Variants in KDM4D observed in about 807,000 individuals in gnomAD.
KDM4D encodes the protein lysine-specific demethylase 4D.
For synonymous variants in KDM4D, 254 were observed against 249.1 expected (o/e 1.02, Z -0.19); for missense variants, 427 against 674.8 (o/e 0.63, Z 4.07).
At chr11:94,984,629 G>A (rs1555097932) in intron 2 of KDM4D, among the ~76,000 whole-genome samples, 1 of 151,368 alleles carries the variant, frequency 6.6e-6, no homozygotes, top group Non-Finnish European at 1.5e-5. Flanking sequence ...GCCGAGGAGG[G>A]CAGATCACCT....
chr11:94,998,306 T>C lies in KDM4D; in HGVS notation c.934T>C (p.Cys312Arg). 1 of 1,614,184 alleles carries C rather than the reference T, an allele frequency of 6.2e-7. No homozygotes were observed. The highest frequency in any genetic ancestry group is 8.5e-7 in the Non-Finnish European group (1 of 1,180,026). Reference protein sequence around the residue: ...DYGKMASQCSCGEARVTFSMD... With the variant: ...DYGKMASQCSRGEARVTFSMD... The stretch of plus-strand genomic sequence containing the variant: ...TGGCAAAATGGCCTCCCAGTGTAGC[T>C]GTGGGGAGGCAAGGGTGACCTTTTC... The change falls in exon 3 of 3, where the codon TGT (cysteine) becomes CGT (arginine). Residue 312 changes from cysteine to arginine, a missense_variant. Cys to Arg is a radical substitution (Grantham distance 180, BLOSUM62 -3). Coordinates refer to ENST00000335080, the MANE Select transcript of KDM4D (RefSeq NM_018039.3). The surrounding 1 kb of genome is among the most constrained non-coding windows in gnomAD (Gnocchi z 6.7).
At chr11:94,986,078 C>G (rs587630242) in intron 2 of KDM4D, among the ~76,000 whole-genome samples, 1 of 152,272 alleles carries the variant, frequency 6.6e-6, no homozygotes, top group African/African-American at 2.4e-5. Context: ...TTCTTGTGCA[C>G]TTCGAAAGAC....
intron 2 of KDM4D, among the ~76,000 whole-genome samples, chr11:94,977,427 A>C (rs782464650): frequency 6.6e-6 from 1 of 150,854 alleles, no homozygotes. Context: ...TTTCATGGCT[A>C]CCTCCTTCAT....
intron 2 of KDM4D, among the ~76,000 whole-genome samples, chr11:94,990,344 G>A (rs964462927): frequency 1.2e-4 from 19 of 152,180 alleles, no homozygotes; most frequent in African/African-American, 4.6e-4. Context: ...GAACCCTGAT[G>A]TAGGAGAGCC....
rs1858004343 is a variant in KDM4D, at chr11:94,999,006, CA to C, written c.*63del. 1.7e-5 allele frequency: 25 copies of C among 1,435,154 alleles called. No homozygotes were observed. Among genetic ancestry groups the C allele is most frequent in the Non-Finnish European group, 2.2e-5 (24 of 1,087,980 alleles). The allele number at this position is 1,435,154 out of a possible 1,614,324, so 88.9% of individuals were successfully genotyped here. A position where few individuals can be genotyped will look rare whatever the true frequency, so the allele number is the denominator to read the frequency against. On this transcript the variant is annotated 3_prime_UTR_variant, in exon 3 of 3. Transcript: ENST00000335080. ...TGTGACAGTTTGATGAAACTGGTTA[CA>C]TTTACATCCCAAAACTTTGGTTGAG... is the stretch of plus-strand genomic sequence containing the variant.
In KDM4D at chr11:94,998,594, C is replaced by T. The variant is rs1384793207; in HGVS notation, c.1222C>T (p.Arg408Ter). The change falls in exon 3 of 3, where the codon CGA becomes TGA. Residue 408 changes from arginine (R) to a stop codon, truncating the protein, a stop_gained. Coordinates refer to ENST00000335080, the MANE Select transcript of KDM4D (RefSeq NM_018039.3). LOFTEE classifies it low-confidence loss of function (END_TRUNC). This position sits in a 1 kb window ranked among gnomAD's most constrained non-coding sequence, Gnocchi z 6.7. ...HTLVCSSLPR[R>*]SAVSGTATQP... ...CCTTGTGTGCTCTTCACTCCCACGCCGATCTGCAGTTAGTGGCACTGCTAC... is the reference window on the plus strand; with the variant it reads ...CCTTGTGTGCTCTTCACTCCCACGCTGATCTGCAGTTAGTGGCACTGCTAC... The T allele has an allele frequency of 3.7e-6, 6 of 1,613,924 alleles. No individual in the cohort carries two copies. In the African/African-American group the frequency reaches 4.0e-5, roughly 11 times the overall value.
Position 94,998,904 on chromosome 11 carries a change from C to T in KDM4D, c.1532C>T (p.Pro511Leu). ...CCACTGAGCCCAGGGCTCCAGCATCCTGTCAAGGCTTCTGGGTGCAGCTGG... is the reference window on the plus strand; with the variant it reads ...CCACTGAGCCCAGGGCTCCAGCATCTTGTCAAGGCTTCTGGGTGCAGCTGG... ...PVPLSPGLQH[P>L]VKASGCSWAP... The change falls in exon 3 of 3, where the codon CCT (proline) becomes CTT (leucine). Residue 511 changes from proline (P) to leucine (L), a missense_variant. Transcript: ENST00000335080. The surrounding 1 kb of genome is among the most constrained non-coding windows in gnomAD (Gnocchi z 6.7). 6.6e-7 allele frequency: 1 copy of T among 1,514,624 alleles called. No individual in the cohort carries two copies. The highest frequency in any genetic ancestry group is 1.3e-5 in the South Asian group (1 of 74,606). 93.8% of individuals were successfully genotyped at this position (1,514,624 alleles called of 1,614,324 possible).
intron 2 of KDM4D, among the ~76,000 whole-genome samples, chr11:94,988,952 C>T (rs1857911247): frequency 6.6e-6 from 1 of 152,140 alleles, no homozygotes; most frequent in South Asian, 2.1e-4. Context: ...CCTGAAGACT[C>T]ATCAGTCTAG....
chr11:94,998,324 A>G lies in KDM4D; in HGVS notation c.952A>G (p.Thr318Ala), dbSNP rs1555099520. ...GTGTAGCTGTGGGGAGGCAAGGGTG[A>G]CCTTTTCCATGGATGCCTTCGTGCG... ...SQCSCGEARV[T>A]FSMDAFVRIL... Residue 318 changes from threonine to alanine, a missense_variant, in exon 3 of 3, where the codon ACC (threonine) becomes GCC (alanine). By Grantham distance (58) the Thr-to-Ala change is moderately conservative. Transcript: ENST00000335080. This position sits in a 1 kb window ranked among gnomAD's most constrained non-coding sequence, Gnocchi z 6.7. 2.5e-6 allele frequency: 4 copies of G among 1,614,032 alleles called. No homozygotes were observed. In the African/African-American group the frequency reaches 5.3e-5, roughly 22 times the overall value.
chr11:94,992,998 A>G (rs587686617), intron 2 of KDM4D, among the ~76,000 whole-genome samples: 1 of 152,266 alleles, frequency 6.6e-6, no homozygotes, highest in African/African-American at 2.4e-5. Flanking sequence ...ACAATCCCCC[A>G]CTTGAAGTAA....
intron 2 of KDM4D, among the ~76,000 whole-genome samples, chr11:94,980,887 T>C (rs1175375554): frequency 1.3e-5 from 2 of 152,172 alleles, no homozygotes; most frequent in African/African-American, 4.8e-5. Context: ...TGTTTCTTCC[T>C]TTTCTGTTTT....
intron 2 of KDM4D, among the ~76,000 whole-genome samples, chr11:94,995,008 A>G (rs782302204): frequency 6.6e-6 from 1 of 152,196 alleles, no homozygotes; most frequent in Non-Finnish European, 1.5e-5. Context: ...GACGGAGAAC[A>G]GTGAGAAACA....
At chr11:94,991,802 TA>T (rs782085338) in intron 2 of KDM4D, among the ~76,000 whole-genome samples, 4,151 of 137,306 alleles carry the variant, frequency 0.03, 187 homozygotes, top group African/African-American at 0.097. Context: ...AAGAAAGAAC[TA>T]AAAAAAAAAA....
At chr11:94,976,839 TAAG>T (rs1857801342) in intron 2 of KDM4D, among the ~76,000 whole-genome samples, 1 of 152,096 alleles carries the variant, frequency 6.6e-6, no homozygotes, top group Admixed American at 6.5e-5. Context: ...GAAGAAAATT[TAAG>T]AAACTATTTA....
chr11:94,999,015 C>T lies in KDM4D; in HGVS notation c.*71C>T. The T allele has an allele frequency of 4.9e-6, 7 of 1,417,270 alleles. No individual in the cohort carries two copies. Among genetic ancestry groups the T allele is most frequent in the Non-Finnish European group, 5.6e-6 (6 of 1,076,706 alleles). The allele number at this position is 1,417,270 out of a possible 1,614,324, so 87.8% of individuals were successfully genotyped here. The stretch of plus-strand genomic sequence containing the variant: ...TTGATGAAACTGGTTACATTTACAT[C>T]CCAAAACTTTGGTTGAGTTTGCAGG... On this transcript the variant is annotated 3_prime_UTR_variant, in exon 3 of 3. Coordinates refer to ENST00000335080, the MANE Select transcript of KDM4D (RefSeq NM_018039.3).
At chr11:94,978,591 T>TG (rs1857818026) in intron 2 of KDM4D, among the ~76,000 whole-genome samples, 3 of 152,304 alleles carry the variant, frequency 2.0e-5, no homozygotes, top group African/African-American at 7.2e-5. Flanking sequence ...TACTGGATAA[T>TG]GTCATAAGTT....
intron 2 of KDM4D, among the ~76,000 whole-genome samples, chr11:94,981,758 A>G (rs1857844756): frequency 6.6e-6 from 1 of 151,300 alleles, no homozygotes; most frequent in African/African-American, 2.4e-5. Flanking sequence ...AGTCTTTTAA[A>G]TTTTATTAGA....
intron 2 of KDM4D, among the ~76,000 whole-genome samples, chr11:94,984,108 T>C (rs1555097890): frequency 6.6e-6 from 1 of 152,168 alleles, no homozygotes; most frequent in African/African-American, 2.4e-5. Context: ...TATGTATGTG[T>C]ATGTATGTAT....
intron 2 of KDM4D, among the ~76,000 whole-genome samples, chr11:94,979,012 A>C (rs1857821544): frequency 6.6e-6 from 1 of 152,228 alleles, no homozygotes. Context: ...TCAAGCAAAC[A>C]ACAACATTGA....
Sources: allele counts gnomAD v4.1 joint callset (sites outside exome capture counted in the v4.1 genomes callset), GRCh38; gene constraint gnomAD v4.1.1; non-coding constraint Gnocchi (gnomAD v3.1); transcripts MANE v1.5; gene names NCBI Gene and HGNC (gene_info 2026-07-23, HGNC 2026-07-21).